Variants in VANGL1 observed in about 807,000 individuals in gnomAD.
VANGL1 encodes the protein VANGL planar cell polarity protein 1, also known as vang-like protein 1.
Under a neutral mutation model 48.4 loss-of-function variants are expected in VANGL1, and 18 were observed. That is an observed-to-expected ratio of 0.37 (90% confidence interval 0.26 to 0.55). The LOEUF (loss-of-function observed/expected upper bound fraction) is 0.55, where lower values mean the gene tolerates loss of function less well. Among genes scored for constraint, VANGL1 ranks in the 20% least tolerant of loss-of-function variants. VANGL1 has a pLI of 0.81. For synonymous variants in VANGL1, 257 were observed against 261.8 expected, an observed-to-expected ratio of 0.98 and a Z score of 0.18; for missense variants, 667 against 675.8, an observed-to-expected ratio of 0.99 and a Z score of 0.14.
intron 4 of VANGL1, among the ~76,000 whole-genome samples, chr1:115,665,300 T>A (rs979620552): frequency 3.9e-5 from 6 of 152,198 alleles, no homozygotes; most frequent in African/African-American, 1.4e-4. Context: ...ACATTTGACT[T>A]CAAAGCCTTT....
chr1:115,652,536 A>G (rs925645872), intron 2 of VANGL1, among the ~76,000 whole-genome samples: 1 of 152,374 alleles, frequency 6.6e-6, no homozygotes, highest in African/African-American at 2.4e-5. Context: ...AACACAGTAC[A>G]GGCTGGAGGT....
intron 3 of VANGL1, among the ~76,000 whole-genome samples, chr1:115,660,921 G>T (rs1023709865): frequency 6.6e-6 from 1 of 152,146 alleles, no homozygotes; most frequent in Non-Finnish European, 1.5e-5. Context: ...GTCGGATGGG[G>T]CCAGTCTTAG....
At chr1:115,675,485 A>G (rs1306968162) in intron 4 of VANGL1, among the ~76,000 whole-genome samples, 1 of 152,096 alleles carries the variant, frequency 6.6e-6, no homozygotes, top group Non-Finnish European at 1.5e-5. Flanking sequence ...CTGGACGACA[A>G]AGGAGACTGT....
rs1366387189 is a variant in VANGL1, at chr1:115,697,082, T to C, written c.*5703T>C. On this transcript the variant is annotated 3_prime_UTR_variant, in exon 8 of 8. Transcript: ENST00000355485. ...GAAGTTGCTCATCATTTAGGAGTGT[T>C]TAATTCTAAAAAGCCTTCAGCCTAA... 6.6e-6 allele frequency: 1 copy of C among 152,170 alleles called. No individual in the cohort carries two copies. Among genetic ancestry groups the C allele is most frequent in the Non-Finnish European group, 1.5e-5 (1 of 68,030 alleles). The allele number at this position is 152,170 out of a possible 1,614,324, so 9.4% of individuals were successfully genotyped here.
rs1225607641 is a variant in VANGL1, at chr1:115,687,460, T to A, written c.1314+1933T>A. Among the ~76,000 whole-genome samples the A allele has an allele frequency of 2.2e-5, 3 of 138,784 alleles. 1 individual carries two copies. The highest frequency in any genetic ancestry group is 8.1e-5 in the African/African-American group (3 of 36,932). The allele number at this position is 138,784 out of a possible 152,430, so 91.0% of individuals were successfully genotyped here. A position where few individuals can be genotyped will look rare whatever the true frequency, so the allele number is the denominator to read the frequency against. On this transcript the variant is annotated intron_variant, in intron 7 of 7. Coordinates refer to ENST00000355485, the MANE Select transcript of VANGL1 (RefSeq NM_138959.3). ...TCTTTTTACAAGATTTTAGAAAGTTTCCTGGTTGCTTTTTGTTTCATTTAA... is the reference window on the plus strand; with the variant it reads ...TCTTTTTACAAGATTTTAGAAAGTTACCTGGTTGCTTTTTGTTTCATTTAA...
chr1:115,688,109 T>C (rs1653704764), intron 7 of VANGL1, among the ~76,000 whole-genome samples: 1 of 138,110 alleles, frequency 7.2e-6, no homozygotes, highest in Non-Finnish European at 1.6e-5. Flanking sequence ...ATGTATATTA[T>C]CTTTCTCTAT....
intron 4 of VANGL1, among the ~76,000 whole-genome samples, chr1:115,664,906 C>T (rs1307720048): frequency 2.0e-5 from 3 of 152,128 alleles, no homozygotes; most frequent in Admixed American, 6.5e-5. Flanking sequence ...AGAGTGATTA[C>T]CATCATTTTA....
intron 3 of VANGL1, among the ~76,000 whole-genome samples, chr1:115,662,661 A>G (rs917921294): frequency 6.6e-6 from 1 of 152,208 alleles, no homozygotes; most frequent in African/African-American, 2.4e-5. Flanking sequence ...TTTTAGAAAG[A>G]ATTTTTAAGC....
In VANGL1 at chr1:115,651,291, G is replaced by T; in HGVS notation, c.-123G>T. On this transcript the variant is annotated 5_prime_UTR_variant, in exon 2 of 8. Transcript: ENST00000355485. ...CTCTTTCCCAGAATTTGTTCCTGTTGAAGAGTGGCTCCTCTTCTAATTTCC... is the reference window on the plus strand; with the variant it reads ...CTCTTTCCCAGAATTTGTTCCTGTTTAAGAGTGGCTCCTCTTCTAATTTCC... 2.5e-6 allele frequency: 2 copies of T among 784,996 alleles called. No individual in the cohort carries two copies. The highest frequency in any genetic ancestry group is 2.1e-6 in the Non-Finnish European group (1 of 465,822). The allele number at this position is 784,996 out of a possible 1,614,324, so 48.6% of individuals were successfully genotyped here.
At chr1:115,674,968 G>A (rs1025722033) in intron 4 of VANGL1, among the ~76,000 whole-genome samples, 6 of 152,136 alleles carry the variant, frequency 3.9e-5, no homozygotes, top group Non-Finnish European at 8.8e-5. Flanking sequence ...GTGCATGTAT[G>A]CACACATTTT....
At chr1:115,643,501 C>T (rs1248398546) in intron 1 of VANGL1, among the ~76,000 whole-genome samples, 1 of 152,174 alleles carries the variant, frequency 6.6e-6, no homozygotes, top group Non-Finnish European at 1.5e-5. Flanking sequence ...AAAGAAATAA[C>T]ACGCTTCACC....
At position 115,692,041 on chromosome 1, in the gene VANGL1, A is replaced by T. The variant is rs1006823440; in HGVS notation, c.*662A>T. 1 of 153,288 alleles carries T rather than the reference A, an allele frequency of 6.5e-6. No individual in the cohort carries two copies. The highest frequency in any genetic ancestry group is 1.5e-5 in the Non-Finnish European group (1 of 68,534). The allele number at this position is 153,288 out of a possible 1,614,324, so 9.5% of individuals were successfully genotyped here. A position where few individuals can be genotyped will look rare whatever the true frequency, so the allele number is the denominator to read the frequency against. On this transcript the variant is annotated 3_prime_UTR_variant, in exon 8 of 8. Coordinates refer to ENST00000355485, the MANE Select transcript of VANGL1 (RefSeq NM_138959.3). ...TCCCACCCCTCTGCTGGCTTGAAGCAGGTAACCCTTTCCCAGCCCTGCAGC... is the reference window on the plus strand; with the variant it reads ...TCCCACCCCTCTGCTGGCTTGAAGCTGGTAACCCTTTCCCAGCCCTGCAGC...
intron 2 of VANGL1, among the ~76,000 whole-genome samples, chr1:115,655,561 A>G (rs1201638001): frequency 6.6e-6 from 1 of 152,214 alleles, no homozygotes; most frequent in Non-Finnish European, 1.5e-5. Context: ...AAAGATACGA[A>G]GAAAAACTCT....
chr1:115,664,474 T>C (rs1181152732), intron 4 of VANGL1, among the ~76,000 whole-genome samples: 1 of 152,206 alleles, frequency 6.6e-6, no homozygotes, highest in Non-Finnish European at 1.5e-5. Context: ...GGGCAGTTGC[T>C]GGCTCTCACC....
intron 2 of VANGL1, among the ~76,000 whole-genome samples, chr1:115,657,960 T>G (rs552254484): frequency 1.0e-3 from 154 of 152,272 alleles, no homozygotes; most frequent in African/African-American, 3.2e-3. Flanking sequence ...TCCCAAGAAC[T>G]CACTCACTAT....
chr1:115,643,503 C>T (rs113978856), intron 1 of VANGL1, among the ~76,000 whole-genome samples: 1,670 of 152,210 alleles, frequency 0.011, 35 homozygotes, highest in African/African-American at 0.038. Flanking sequence ...AGAAATAACA[C>T]GCTTCACCTA....
At chr1:115,662,826 G>A (rs895237916) in intron 3 of VANGL1, among the ~76,000 whole-genome samples, 4 of 148,392 alleles carry the variant, frequency 2.7e-5, no homozygotes, top group African/African-American at 7.5e-5. Flanking sequence ...TCACTCTGTA[G>A]CCCAGGCTGG....
intron 4 of VANGL1, among the ~76,000 whole-genome samples, chr1:115,680,777 T>A (rs1340993059): frequency 6.6e-6 from 1 of 152,132 alleles, no homozygotes; most frequent in Non-Finnish European, 1.5e-5. Flanking sequence ...AGGAGCTCCC[T>A]TGTCTTGGTG....
chr1:115,646,618 A>T lies in VANGL1; in HGVS notation c.-138+4532A>T, dbSNP rs537799941. Among the ~76,000 whole-genome samples the T allele has an allele frequency of 4.0e-5, 6 of 151,428 alleles. No homozygotes were observed. The South Asian group carries it at 1.3e-3, about 32-fold the overall frequency. ...ATTTCTAAAGTTTCTTCCACAATGA[A>T]TCTATGGCCTCATGTCCTAAGATCT... On this transcript the variant is annotated intron_variant, in intron 1 of 7. Transcript: ENST00000355485.
Sources: allele counts gnomAD v4.1 joint callset (sites outside exome capture counted in the v4.1 genomes callset), GRCh38; gene constraint gnomAD v4.1.1; transcripts MANE v1.5; gene names NCBI Gene and HGNC (gene_info 2026-07-23, HGNC 2026-07-21).